The following MICAL3 variants were observed in gnomAD, a reference collection of about 807,000 sequenced individuals.
MICAL3 encodes the protein [F-actin]-monooxygenase MICAL3.
A neutral mutation model predicts 207.4 loss-of-function variants in MICAL3; 62 were observed. The ratio of observed to expected loss-of-function variants is 0.30; its 90% CI spans 0.24 to 0.37. The LOEUF is 0.37. MICAL3 is among the 10% of genes least tolerant of loss of function. MICAL3 has a pLI of 1.00. For synonymous variants in MICAL3, 1,077 were observed against 1,069.3 expected (o/e 1.01, Z -0.14); for missense variants, 2,368 against 2,635.6 (o/e 0.90, Z 2.22).
intron 19 of MICAL3, chr22:17,862,866 C>T: frequency 1.0e-6 from 1 of 985,474 alleles, no homozygotes; most frequent in African/African-American, 1.7e-5. Context: ...GGGGACAGTG[C>T]CTGTCATTAA....
At chr22:17,875,461 C>T (rs564571151) in intron 16 of MICAL3, 79 of 1,551,818 alleles carry the variant, frequency 5.1e-5, no homozygotes, top group South Asian at 4.6e-4. Context: ...CGGAGGGAGT[C>T]GGAGGAGGGA....
chr22:17,818,262 C>T lies in MICAL3; in HGVS notation c.4399G>A (p.Glu1467Lys), dbSNP rs372133922. 11 of 1,505,868 alleles carry T rather than the reference C, an allele frequency of 7.3e-6. No homozygotes were observed. Among genetic ancestry groups the T allele is most frequent in the South Asian group, 4.9e-5 (4 of 81,582 alleles). The allele number at this position is 1,505,868 out of a possible 1,614,324, so 93.3% of individuals were successfully genotyped here. The change falls in exon 26 of 32, where the codon GAG (glutamate) becomes AAG (lysine). Residue 1467 changes from glutamate to lysine, a missense_variant. By Grantham distance (56) the Glu-to-Lys change is moderately conservative (BLOSUM62 1). Coordinates refer to ENST00000441493, the MANE Select transcript of MICAL3 (RefSeq NM_015241.3). ...SSPPPPPPPGEEPATLRRKLR... is the reference protein window; with the variant it reads ...SSPPPPPPPGKEPATLRRKLR... ...TTCCTCCGCAAGGTGGCGGGCTCCT[C>T]GCCCGGGGGTGGCGGTGGGGGCGGG...
Position 17,816,679 on chromosome 22 carries a change from T to C in MICAL3, c.5445+11A>G, listed in dbSNP as rs980325072. ...CCCAGGCCCTGTGAAGCCCCCTGCC[T>C]GACTACCCACCTCTCGCCGGGACTT... On this transcript the variant is annotated intron_variant, in intron 27 of 31. Transcript: ENST00000441493. 1 of 1,549,684 alleles carries C rather than the reference T, an allele frequency of 6.5e-7. No homozygotes were observed. The highest frequency in any genetic ancestry group is 8.7e-7 in the Non-Finnish European group (1 of 1,145,326).
At chr22:17,982,545 C>T (rs1325347391) in intron 1 of MICAL3, among the ~76,000 whole-genome samples, 1 of 152,030 alleles carries the variant, frequency 6.6e-6, no homozygotes, top group Non-Finnish European at 1.5e-5. Context: ...GTGTCAGGCA[C>T]CTGTAATCCC....
At chr22:17,994,141 T>C (rs1273754445) in intron 1 of MICAL3, among the ~76,000 whole-genome samples, 1 of 152,208 alleles carries the variant, frequency 6.6e-6, no homozygotes, top group Non-Finnish European at 1.5e-5. Context: ...CGCCAGGTGC[T>C]GCTCTCCCAC....
At chr22:17,883,876 C>T (rs1929638110) in intron 16 of MICAL3, among the ~76,000 whole-genome samples, 1 of 152,182 alleles carries the variant, frequency 6.6e-6, no homozygotes, top group Admixed American at 6.5e-5. Context: ...AAAGGCTCTA[C>T]ACCCCAACTC....
chr22:17,999,274 C>G (rs1047288160), intron 1 of MICAL3, among the ~76,000 whole-genome samples: 1 of 152,230 alleles, frequency 6.6e-6, no homozygotes, highest in African/African-American at 2.4e-5. Context: ...GCCATCCTTC[C>G]TTTAAAGGGC....
chr22:17,804,935 T>G (rs1242580785), intron 29 of MICAL3, among the ~76,000 whole-genome samples: 1 of 152,150 alleles, frequency 6.6e-6, no homozygotes, highest in East Asian at 1.9e-4. Context: ...ATTACCTAAG[T>G]TGTGGCCTGG....
At chr22:17,942,045 G>A (rs1933830731) in intron 1 of MICAL3, among the ~76,000 whole-genome samples, 1 of 152,172 alleles carries the variant, frequency 6.6e-6, no homozygotes, top group African/African-American at 2.4e-5. Flanking sequence ...ACAAGGAGAG[G>A]CGCCCAGCCA....
chr22:17,838,955 CTTTTTT>C (rs869097812), intron 20 of MICAL3, among the ~76,000 whole-genome samples: 1 of 88,438 alleles, frequency 1.1e-5, no homozygotes, highest in Non-Finnish European at 2.1e-5. Context: ...CCCCTAGATG[CTTTTTT>C]TTTTTTTTTT....
rs1186187598 is a variant in MICAL3 at position 17,879,058 on chromosome 22, G to C, written c.2241+6820C>G. 3.3e-5 allele frequency among the ~76,000 whole-genome samples: 5 copies of C among 152,298 alleles called. No individual in the cohort carries two copies. In the East Asian group the frequency reaches 9.6e-4, roughly 29 times the overall value. On this transcript the variant is annotated intron_variant, in intron 16 of 31. Transcript: ENST00000441493. ...GGTAGAAATAGTATGGTCTTGGAAG[G>C]GGAACAGTGGGCAGAAATGGGAAGT...
At chr22:17,791,912 C>T (rs1338016996) in intron 29 of MICAL3, among the ~76,000 whole-genome samples, 1 of 152,262 alleles carries the variant, frequency 6.6e-6, no homozygotes, top group Non-Finnish European at 1.5e-5. Context: ...TGCAGGGCAT[C>T]TCAGGATGGC....
At chr22:17,962,684 C>A (rs4819652) in intron 1 of MICAL3, among the ~76,000 whole-genome samples, 1 of 151,988 alleles carries the variant, frequency 6.6e-6, no homozygotes, top group South Asian at 2.1e-4. Context: ...GTTTTAGGTG[C>A]TAGGAATAAG....
intron 16 of MICAL3, among the ~76,000 whole-genome samples, chr22:17,877,592 T>TATGGAGGTG: frequency 6.8e-6 from 1 of 146,322 alleles, no homozygotes; most frequent in African/African-American, 2.5e-5. Flanking sequence ...TTATGGAGGT[T>TATGGAGGTG]AGGGAGGTTA....
intron 2 of MICAL3, 89 bp downstream of exon 2, chr22:17,906,460 T>C (rs1569127987): frequency 2.5e-6 from 4 of 1,606,684 alleles, no homozygotes; most frequent in Non-Finnish European, 2.6e-6. Context: ...TTGTAGATCA[T>C]ATATGGTGAA....
At chr22:17,844,343 C>T (rs1924412085) in intron 19 of MICAL3, among the ~76,000 whole-genome samples, 1 of 152,188 alleles carries the variant, frequency 6.6e-6, no homozygotes, top group Non-Finnish European at 1.5e-5. Flanking sequence ...CAAAACCTGG[C>T]TAAAGGAAAG....
intron 1 of MICAL3, among the ~76,000 whole-genome samples, chr22:17,915,628 G>A (rs757674917): frequency 2.4e-4 from 37 of 152,082 alleles, no homozygotes; most frequent in East Asian, 1.9e-4. Flanking sequence ...CCTGCCTGTC[G>A]TCACTGCCAC....
In MICAL3 at chr22:17,895,486, G is replaced by A. The variant is rs1392650451; in HGVS notation, c.1323-76C>T. 2.6e-6 allele frequency: 4 copies of A among 1,542,274 alleles called. No individual in the cohort carries two copies. In the African/African-American group the frequency reaches 5.4e-5, roughly 21 times the overall value. ...CTCCCTCTCGTTTCATGATTGTTCT[G>A]ACAGCGCAGCAAGTCACCTGACATG... On this transcript the variant is annotated intron_variant, in intron 9 of 31. Transcript: ENST00000441493.
intron 16 of MICAL3, among the ~76,000 whole-genome samples, chr22:17,877,167 G>A (rs879276028): frequency 1.5e-5 from 2 of 132,630 alleles, no homozygotes; most frequent in Non-Finnish European, 3.2e-5. Flanking sequence ...GGTTATGGAG[G>A]TTAGGGAGGT....
Sources: gnomAD v4.1 joint callset for allele counts (sites outside exome capture counted in the v4.1 genomes callset) on GRCh38, gnomAD v4.1.1 for gene constraint, MANE v1.5 for transcripts, NCBI Gene and HGNC (gene_info 2026-07-23, HGNC 2026-07-21) for gene names.